Variants in SCFD2 observed in about 807,000 individuals in gnomAD.
SCFD2 encodes the protein sec1 family domain containing 2.
A neutral mutation model predicts 58.9 loss-of-function variants in SCFD2; 54 were observed. The ratio of observed to expected loss-of-function variants is 0.92; its 90% confidence interval spans 0.74 to 1.15. SCFD2 has a LOEUF of 1.15. SCFD2 is among the 50% of genes most tolerant of loss of function. The pLI, the probability that SCFD2 is intolerant of heterozygous loss-of-function variation, is 0.00. For missense variants in SCFD2, 805 were observed against 836.6 expected (o/e 0.96, Z 0.47); for synonymous variants, 321 against 335.9 (o/e 0.96, Z 0.49).
At chr4:52,886,936 T>A (rs1185506984) in intron 7 of SCFD2, among the ~76,000 whole-genome samples, 3 of 152,258 alleles carry the variant, frequency 2.0e-5, no homozygotes, top group African/African-American at 7.2e-5. Flanking sequence ...CTTTGTTGCA[T>A]GGCTCTGTAT....
At chr4:52,928,113 T>C (rs1243790822) in intron 5 of SCFD2, among the ~76,000 whole-genome samples, 1 of 152,026 alleles carries the variant, frequency 6.6e-6, no homozygotes, top group Non-Finnish European at 1.5e-5. Context: ...GGTGGGAGGA[T>C]CACTTGAGGC....
At chr4:53,096,999 A>G (rs1724669859) in intron 5 of SCFD2, among the ~76,000 whole-genome samples, 1 of 152,114 alleles carries the variant, frequency 6.6e-6, no homozygotes, top group Non-Finnish European at 1.5e-5. Context: ...TGTTTTTGTC[A>G]GGTTTGTCAA....
intron 5 of SCFD2, among the ~76,000 whole-genome samples, chr4:52,940,242 C>A (rs936037466): frequency 7.2e-5 from 11 of 152,210 alleles, no homozygotes. Context: ...CATCAAGAGG[C>A]CTGAGCCCCT....
intron 5 of SCFD2, among the ~76,000 whole-genome samples, chr4:53,128,494 A>G (rs1247539092): frequency 6.6e-6 from 1 of 152,190 alleles, no homozygotes; most frequent in Admixed American, 6.5e-5. Context: ...AATCAAGAAT[A>G]TAATGTGCAG....
chr4:53,105,159 T>G (rs970469623), intron 5 of SCFD2, among the ~76,000 whole-genome samples: 1 of 151,980 alleles, frequency 6.6e-6, no homozygotes, highest in Non-Finnish European at 1.5e-5. Flanking sequence ...CCGGCCCAGA[T>G]ACTATGCTTT....
intron 5 of SCFD2, among the ~76,000 whole-genome samples, chr4:53,075,098 TCTGGATAAC>T (rs1723933650): frequency 6.6e-6 from 1 of 152,212 alleles, no homozygotes; most frequent in South Asian, 2.1e-4. Context: ...AGCTAGACCT[TCTGGATAAC>T]CTGCTGCTGC....
intron 8 of SCFD2, among the ~76,000 whole-genome samples, chr4:52,884,608 G>T (rs1718692537): frequency 1.3e-5 from 2 of 152,082 alleles, no homozygotes; most frequent in African/African-American, 4.8e-5. Context: ...TGCTTCTTGG[G>T]ATCATCTGCC....
rs993231443 is a variant in SCFD2, at chr4:53,251,502, A to G, written c.1311+22324T>C. The stretch of plus-strand genomic sequence containing the variant: ...ATCCTCAATAAAATACTGGCAAACC[A>G]AATCCAGCAGCACATCAAAAAGCTT... On this transcript the variant is annotated intron_variant, in intron 4 of 8. Transcript: ENST00000401642. 2.9e-3 allele frequency among the ~76,000 whole-genome samples: 436 copies of G among 152,256 alleles called. 2 individuals carry two copies. Among genetic ancestry groups the G allele is most frequent in the African/African-American group, 9.8e-3 (409 of 41,538 alleles).
intron 2 of SCFD2, among the ~76,000 whole-genome samples, chr4:53,348,227 A>C (rs563130029): frequency 2.6e-5 from 4 of 152,360 alleles, no homozygotes; most frequent in Non-Finnish European, 4.4e-5. Flanking sequence ...CAATTGCTAT[A>C]AACAGCCTTT....
At chr4:53,153,740 T>C (rs111760534) in intron 4 of SCFD2, among the ~76,000 whole-genome samples, 7 of 152,326 alleles carry the variant, frequency 4.6e-5, no homozygotes, top group African/African-American at 1.7e-4. Flanking sequence ...TTTCCAAATT[T>C]TTATGCTTTG....
rs147649046 is a variant in SCFD2 at position 53,077,774 on chromosome 4, T to C, written c.1561+67559A>G. 1.6e-3 allele frequency among the ~76,000 whole-genome samples: 239 copies of C among 152,256 alleles called. 1 individual carries two copies. The highest frequency in any genetic ancestry group is 5.4e-3 in the African/African-American group (225 of 41,564). On this transcript the variant is annotated intron_variant, in intron 5 of 8. Transcript: ENST00000401642. ...TATTTCTAATAATAATAAATGAACA[T>C]TTATTAGGTCATCTTGTCCAATCCT...
At chr4:52,972,102 C>G (rs1261491473) in intron 5 of SCFD2, among the ~76,000 whole-genome samples, 1 of 152,146 alleles carries the variant, frequency 6.6e-6, no homozygotes, top group African/African-American at 2.4e-5. Flanking sequence ...GAAGAAACTG[C>G]ATCAATTAAC....
Position 52,873,731 on chromosome 4 carries a change from G to A in SCFD2, c.*238C>T, listed in dbSNP as rs777504048. 5 of 337,638 alleles carry A rather than the reference G, an allele frequency of 1.5e-5. No individual in the cohort carries two copies. Among genetic ancestry groups the A allele is most frequent in the Admixed American group, 4.2e-5 (1 of 24,074 alleles). 20.9% of individuals were successfully genotyped at this position (337,638 alleles called of 1,614,324 possible). ...ATGGAAACGATCACTAATTGGACTC[G>A]CCAAAAGACAGACTGTCGCCTTCAG... On this transcript the variant is annotated 3_prime_UTR_variant, in exon 9 of 9. Coordinates refer to ENST00000401642, the MANE Select transcript of SCFD2 (RefSeq NM_152540.4).
intron 5 of SCFD2, among the ~76,000 whole-genome samples, chr4:53,019,875 A>G (rs1003261006): frequency 1.8e-4 from 28 of 152,174 alleles, no homozygotes; most frequent in Non-Finnish European, 5.9e-5. Context: ...CATAAAGGAC[A>G]AGCTACTCGG....
chr4:52,921,090 G>A (rs1719724666), intron 5 of SCFD2, among the ~76,000 whole-genome samples: 1 of 152,100 alleles, frequency 6.6e-6, no homozygotes, highest in South Asian at 2.1e-4. Flanking sequence ...GCCTTTGACA[G>A]AAGTGGAACT....
intron 3 of SCFD2, among the ~76,000 whole-genome samples, chr4:53,286,177 C>A (rs1170756146): frequency 6.6e-6 from 1 of 152,180 alleles, no homozygotes; most frequent in Non-Finnish European, 1.5e-5. Flanking sequence ...TCTCCTGGAT[C>A]CCAGCTGTTG....
At position 53,199,309 on chromosome 4, in the gene SCFD2, T is replaced by A. The variant is rs369012246; in HGVS notation, c.1312-53727A>T. Among the ~76,000 whole-genome samples, 3 of 152,154 alleles carry A rather than the reference T, an allele frequency of 2.0e-5. 1 individual carries two copies. Among genetic ancestry groups the A allele is most frequent in the East Asian group, 3.9e-4 (2 of 5,188 alleles). On this transcript the variant is annotated intron_variant, in intron 4 of 8. Coordinates refer to ENST00000401642, the MANE Select transcript of SCFD2 (RefSeq NM_152540.4). ...ATACTACATAAAATGCTTGCTTATT[T>A]TCTTGCTTCTCTCCCTTCTTTATCT... is the stretch of plus-strand genomic sequence containing the variant.
At chr4:52,979,839 G>GGT (rs1721336526) in intron 5 of SCFD2, among the ~76,000 whole-genome samples, 2 of 152,132 alleles carry the variant, frequency 1.3e-5, no homozygotes, top group Non-Finnish European at 2.9e-5. Flanking sequence ...ACCCAGGCCA[G>GGT]AAACCTAGCA....
intron 4 of SCFD2, among the ~76,000 whole-genome samples, chr4:53,259,752 A>C (rs1730772317): frequency 6.6e-6 from 1 of 152,186 alleles, no homozygotes; most frequent in African/African-American, 2.4e-5. Context: ...AGTTCTGTGA[A>C]GAATGATAGT....
Sources: gnomAD v4.1 joint callset for allele counts (sites outside exome capture counted in the v4.1 genomes callset) on GRCh38, gnomAD v4.1.1 for gene constraint, MANE v1.5 for transcripts, NCBI Gene and HGNC (gene_info 2026-07-23, HGNC 2026-07-21) for gene names.